Variants in RIBC1 observed in about 807,000 individuals in gnomAD.
RIBC1 encodes RIB43A domain with coiled-coils 1.
Under a neutral mutation model 33.7 loss-of-function variants are expected in RIBC1, and 12 were observed. That is an observed-to-expected ratio of 0.36 (90% CI 0.23 to 0.58). The LOEUF (loss-of-function observed/expected upper bound fraction) is 0.58, where lower values mean the gene tolerates loss of function less well. RIBC1 is among the 20% of genes least tolerant of loss of function. RIBC1 has a pLI of 0.81. For synonymous variants in RIBC1, 89 were observed against 109.0 expected (o/e 0.82, Z 1.14); for missense variants, 242 against 311.6 (o/e 0.78, Z 1.68).
chrX:53,423,319 A>G lies in RIBC1; in HGVS notation c.-84A>G, dbSNP rs782504605. ...CCTCCTGTTGTACCAAGCAGAGTTC[A>G]GAAACTGCCGCCGTAACCCAAGAAC... On this transcript the variant is annotated 5_prime_UTR_variant, in exon 2 of 8. Transcript: ENST00000375327. 1 of 112,496 alleles carries G rather than the reference A, an allele frequency of 8.9e-6. No individual in the cohort carries two copies. Among genetic ancestry groups the G allele is most frequent in the South Asian group, 3.6e-4 (1 of 2,812 alleles). The allele number at this position is 112,496 out of a possible 1,213,427, so 9.3% of individuals were successfully genotyped here.
At chrX:53,429,691 G>A (rs2075811809) in intron 5 of RIBC1, 163 bp from the exon 6 acceptor site, 2 of 1,032,586 alleles carry the variant, frequency 1.9e-6, no homozygotes, top group East Asian at 6.8e-5. Context: ...AGAAATCGTT[G>A]TTGCTGCACC....
chrX:53,426,157 AG>A, intron 2 of RIBC1, 119 bp from the exon 3 acceptor site: 1 of 494,877 alleles, frequency 2.0e-6, no homozygotes, highest in African/African-American at 2.3e-5. Context: ...TATATCAGGA[AG>A]TAAAATCAGT....
At chrX:53,429,820 C>T in intron 5 of RIBC1, 34 bp from the exon 6 acceptor site, 1 of 1,195,394 alleles carries the variant, frequency 8.4e-7, no homozygotes, top group Non-Finnish European at 1.1e-6. Flanking sequence ...TGGAGCAAGC[C>T]AGTACAGTAC....
In RIBC1 at chrX:53,428,541, T is replaced by A. The variant is rs1556893612; in HGVS notation, c.458T>A (p.Leu153Gln). ...SGEDLDRDTR[L>Q]RMQQGQFRYN... ...GAAGACCTAGACAGGGACACACGGCTGAGAATGCAGCAGGGGCAGTTCAGG... is the reference window on the plus strand; with the variant it reads ...GAAGACCTAGACAGGGACACACGGCAGAGAATGCAGCAGGGGCAGTTCAGG... The change falls in exon 5 of 8, where the codon CTG becomes CAG. Residue 153 changes from leucine to glutamine, a missense_variant. By Grantham distance (113) the Leu-to-Gln change is moderately radical. Coordinates refer to ENST00000375327, the MANE Select transcript of RIBC1 (RefSeq NM_001031745.5). 8.3e-7 allele frequency: 1 copy of A among 1,210,008 alleles called. No homozygotes were observed. The highest frequency in any genetic ancestry group is 2.2e-5 in the Admixed American group (1 of 45,844).
intron 2 of RIBC1, among the ~76,000 whole-genome samples, chrX:53,425,570 A>G (rs955080506): frequency 7.3e-5 from 8 of 109,515 alleles, no homozygotes; most frequent in Admixed American, 2.0e-4. Context: ...TTCAGAAAAG[A>G]AAGCTGCTTC....
intron 3 of RIBC1, among the ~76,000 whole-genome samples, chrX:53,427,455 C>T (rs1602423072): frequency 8.9e-6 from 1 of 112,403 alleles, no homozygotes; most frequent in African/African-American, 3.2e-5. Flanking sequence ...AGCATTTCCT[C>T]GGGGCCTGCT....
rs897876724 is a variant in RIBC1 at position 53,431,046 on chromosome X, A to T, written c.*58A>T. 15 of 1,207,434 alleles carry T rather than the reference A, an allele frequency of 1.2e-5. No individual in the cohort carries two copies. The highest frequency in any genetic ancestry group is 1.7e-5 in the Non-Finnish European group (15 of 893,094). ...TCCATCAAGCTCACAGGTGGTTAGG[A>T]GTCAAAGAGAAAAATGCTGCATACT... is the stretch of plus-strand genomic sequence containing the variant. On this transcript the variant is annotated 3_prime_UTR_variant, in exon 8 of 8. Coordinates refer to ENST00000375327, the MANE Select transcript of RIBC1 (RefSeq NM_001031745.5).
chrX:53,429,754 G>A (rs1369520806), intron 5 of RIBC1, 100 bp from the exon 6 acceptor site: 16 of 1,125,279 alleles, frequency 1.4e-5, no homozygotes, highest in Middle Eastern at 5.0e-4. Context: ...CTAAACATTC[G>A]TACACACACA....
chrX:53,424,841 G>T (rs1405112207), intron 2 of RIBC1, among the ~76,000 whole-genome samples: 2 of 106,278 alleles, frequency 1.9e-5, no homozygotes, highest in Non-Finnish European at 3.9e-5. Context: ...CGAGGCAGGA[G>T]AATTGCTTGA....
At chrX:53,424,059 G>C in intron 2 of RIBC1, among the ~76,000 whole-genome samples, 1 of 110,559 alleles carries the variant, frequency 9.0e-6, no homozygotes, top group Non-Finnish European at 1.9e-5. Flanking sequence ...AGGTGACAGA[G>C]CAATACCCTG....
At chrX:53,426,509 G>C in intron 3 of RIBC1, 116 bp downstream of exon 3, 1 of 526,365 alleles carries the variant, frequency 1.9e-6, no homozygotes, top group Non-Finnish European at 3.2e-6. Flanking sequence ...TAGGCCCCTA[G>C]GGCAGGAAAG....
chrX:53,422,873 A>G lies in RIBC1; in HGVS notation c.-221A>G. The G allele has an allele frequency of 3.3e-6, 1 of 301,820 alleles. No homozygotes were observed. The highest frequency in any genetic ancestry group is 3.4e-5 in the South Asian group (1 of 29,147). The allele number at this position is 301,820 out of a possible 1,213,427, so 24.9% of individuals were successfully genotyped here. A position where few individuals can be genotyped will look rare whatever the true frequency, so the allele number is the denominator to read the frequency against. On this transcript the variant is annotated 5_prime_UTR_variant, in exon 1 of 8. Coordinates refer to ENST00000375327, the MANE Select transcript of RIBC1 (RefSeq NM_001031745.5). ...CAACAAACACTTGCTCCTGCGGACC[A>G]GATCCCCGGAGGAGTTGTTGCTGGG...
rs2075769014 is a variant in RIBC1, at chrX:53,422,949, C to T, written c.-145C>T. On this transcript the variant is annotated 5_prime_UTR_variant, in exon 1 of 8. Coordinates refer to ENST00000375327, the MANE Select transcript of RIBC1 (RefSeq NM_001031745.5). The stretch of plus-strand genomic sequence containing the variant: ...CAAGGAGGCGGGGGAGACCTGAGCT[C>T]ACGCTTGCTGAGACAGAAGTCACAG... 3 of 258,645 alleles carry T rather than the reference C, an allele frequency of 1.2e-5. No homozygotes were observed. In the Admixed American group the frequency reaches 1.6e-4, roughly 14 times the overall value. The allele number at this position is 258,645 out of a possible 1,213,427, so 21.3% of individuals were successfully genotyped here.
chrX:53,426,092 T>C (rs1385460616), intron 2 of RIBC1, among the ~76,000 whole-genome samples, 185 bp from the exon 3 acceptor site: 4 of 111,925 alleles, frequency 3.6e-5, no homozygotes, highest in Non-Finnish European at 5.6e-5. Flanking sequence ...TGACACCAGA[T>C]TGTGAGGCCT....
At position 53,430,617 on chromosome X, in the gene RIBC1, G is replaced by C. The variant is rs371634373; in HGVS notation, c.885G>C (p.Lys295Asn). 4.6e-5 allele frequency: 56 copies of C among 1,204,535 alleles called. No homozygotes were observed. Among genetic ancestry groups the C allele is most frequent in the Non-Finnish European group, 5.9e-5 (53 of 892,072 alleles). The change falls in exon 7 of 8, where the codon AAG becomes AAC. Residue 295 changes from lysine to asparagine, a missense_variant. Coordinates refer to ENST00000375327, the MANE Select transcript of RIBC1 (RefSeq NM_001031745.5). ...AAGAGCAGGAAGTACAACGCTCTAA[G>C]AAGCAAGCACACCGTCAGGCTGAGA... ...IRKEQEVQRS[K>N]KQAHRQAEKT...
In RIBC1 at chrX:53,430,411, G is replaced by T. The variant is rs781986761; in HGVS notation, c.679G>T (p.Gly227Trp). 1 of 1,208,473 alleles carries T rather than the reference G, an allele frequency of 8.3e-7. No homozygotes were observed. Among genetic ancestry groups the T allele is most frequent in the East Asian group, 3.0e-5 (1 of 33,733 alleles). The part of the protein sequence containing the change: ...ANKAQAAVQA[G>W]RQRCERQREQ... ...GCTCCACCAGGCAGCTGTGCAGGCT[G>T]GGCGTCAGCGCTGTGAGCGTCAGCG... Residue 227 changes from glycine (G) to tryptophan (W), a missense_variant, in exon 7 of 8, where the codon GGG (glycine) becomes TGG (tryptophan). Transcript: ENST00000375327.
chrX:53,423,051 G>T (rs1239818410), intron 1 of RIBC1, 47 bp downstream of exon 1: 1 of 198,950 alleles, frequency 5.0e-6, no homozygotes, highest in Non-Finnish European at 9.4e-6. Flanking sequence ...TCAAGGCTAG[G>T]ACAAGGACAG....
Position 53,428,607 on chromosome X carries a change from A to G in RIBC1, c.524A>G (p.Lys175Arg). ...ERQQQEQQQAKVDENYTDALS... is the reference protein window; with the variant it reads ...ERQQQEQQQARVDENYTDALS... ...CAACAGCAGGAGCAACAGCAAGCCA[A>G]GGTTGATGAGAATTATACAGGTAAG... Residue 175 changes from lysine to arginine, a missense_variant, in exon 5 of 8, where the codon AAG becomes AGG. Physicochemically the swap from Lys to Arg is conservative, Grantham distance 26. Transcript: ENST00000375327. The G allele has an allele frequency of 8.3e-7, 1 of 1,210,655 alleles. No individual in the cohort carries two copies. Among genetic ancestry groups the G allele is most frequent in the Non-Finnish European group, 1.1e-6 (1 of 895,121 alleles).
Position 53,428,404 on chromosome X carries a change from C to T in RIBC1, c.321C>T (p.Asn107=), listed in dbSNP as rs2075803622. 7 of 1,210,913 alleles carry T rather than the reference C, an allele frequency of 5.8e-6. No individual in the cohort carries two copies. The highest frequency in any genetic ancestry group is 5.3e-5 in the South Asian group (3 of 56,911). Reference sequence around the variant, plus strand: ...GGGAGCAGAAGCAGCAGCTCAAGAACGGGCGTGAATTTAGTCTTTGGGATC... The same window carrying T: ...GGGAGCAGAAGCAGCAGCTCAAGAATGGGCGTGAATTTAGTCTTTGGGATC... ...EFREQKQQLK[N]GREFSLWDPG... Residue 107 remains asparagine (N), a synonymous_variant, in exon 5 of 8, where the codon AAC becomes AAT. Transcript: ENST00000375327.
Sources: allele counts gnomAD v4.1 joint callset (sites outside exome capture counted in the v4.1 genomes callset), GRCh38; gene constraint gnomAD v4.1.1; transcripts MANE v1.5; gene names NCBI Gene and HGNC (gene_info 2026-07-23, HGNC 2026-07-21).